The following SPC25 variants were observed in gnomAD, a reference collection of about 807,000 sequenced individuals.
SPC25 encodes SPC25 component of NDC80 kinetochore complex.
SPC25 carries 22 observed loss-of-function variants against 29.6 expected under a neutral mutation model. That is an observed-to-expected ratio of 0.74 (90% CI 0.53 to 1.06). The LOEUF (loss-of-function observed/expected upper bound fraction) is 1.06. Among genes scored for constraint, SPC25 ranks in the 50% least tolerant of loss-of-function variants. The pLI is 0.00. For missense variants in SPC25, 230 were observed against 255.8 expected, an observed-to-expected ratio of 0.90 and a Z score of 0.69; for synonymous variants, 91 against 90.4, an observed-to-expected ratio of 1.01 and a Z score of -0.04.
downstream of SPC25, among the ~76,000 whole-genome samples, chr2:168,869,843 T>G (rs935003558): frequency 1.3e-5 from 2 of 151,976 alleles, no homozygotes; most frequent in Non-Finnish European, 2.9e-5. Context: ...CTTCACAGAA[T>G]TGGAAAAAAC....
chr2:168,866,692 C>A (rs1380444422), downstream of SPC25, among the ~76,000 whole-genome samples: 1 of 152,186 alleles, frequency 6.6e-6, no homozygotes, highest in African/African-American at 2.4e-5. Flanking sequence ...GAACAGGCAA[C>A]CTACAGAATG....
downstream of SPC25, among the ~76,000 whole-genome samples, chr2:168,866,665 G>T (rs1404608688): frequency 6.6e-6 from 1 of 152,130 alleles, no homozygotes; most frequent in Non-Finnish European, 1.5e-5. Flanking sequence ...CACAGCAAAA[G>T]AAACCACCAT....
downstream of SPC25, among the ~76,000 whole-genome samples, chr2:168,870,084 C>A (rs925204770): frequency 6.6e-6 from 1 of 152,062 alleles, no homozygotes; most frequent in African/African-American, 2.4e-5. Context: ...TTTGACAAAC[C>A]TGACAAAAAC....
downstream of SPC25, among the ~76,000 whole-genome samples, chr2:168,867,731 T>C (rs1689893476): frequency 6.6e-6 from 1 of 152,114 alleles, no homozygotes; most frequent in South Asian, 2.1e-4. Flanking sequence ...CCCAGATTCA[T>C]AAAGCAAGTC....
chr2:168,864,869 G>T (rs1689760003), intron 4 of SPC25: 2 of 1,613,810 alleles, frequency 1.2e-6, no homozygotes, highest in African/African-American at 1.3e-5. Context: ...AAAAGAAGGA[G>T]GATGGTGGTT....
At chr2:168,885,763 G>A (rs1302329621) in intron 3 of SPC25, among the ~76,000 whole-genome samples, 2 of 152,134 alleles carry the variant, frequency 1.3e-5, no homozygotes, top group African/African-American at 2.4e-5. Flanking sequence ...TAATCAGACC[G>A]CAGGTTCAAA....
chr2:168,871,556 C>T lies in SPC25; in HGVS notation c.551-1G>A. On this transcript the variant is annotated splice_acceptor_variant, in intron 6 of 6. Coordinates refer to ENST00000282074, the MANE Select transcript of SPC25 (RefSeq NM_020675.4). LOFTEE classifies it high-confidence loss of function. ...TCAAGATGAGGGGCACTATCTGACA[C>T]TAGAAAAAAAAAAAAAAGAAATCAA... The T allele has an allele frequency of 6.9e-7, 1 of 1,447,844 alleles. No homozygotes were observed. Among genetic ancestry groups the T allele is most frequent in the Non-Finnish European group, 9.0e-7 (1 of 1,109,096 alleles). 89.7% of individuals were successfully genotyped at this position (1,447,844 alleles called of 1,614,324 possible).
downstream of SPC25, among the ~76,000 whole-genome samples, chr2:168,867,108 A>T (rs532564222): frequency 6.0e-4 from 91 of 152,316 alleles, no homozygotes; most frequent in African/African-American, 2.2e-3. Flanking sequence ...CATTTGACCC[A>T]GCCATCCCAT....
chr2:168,880,918 G>A (rs1690168219), intron 3 of SPC25, among the ~76,000 whole-genome samples: 1 of 152,126 alleles, frequency 6.6e-6, no homozygotes, highest in Admixed American at 6.5e-5. Context: ...TAACGTCAAA[G>A]ATCACTGATC....
In SPC25 at chr2:168,871,407, G is replaced by GT. The variant is rs747154977; in HGVS notation, c.*23dup. The GT allele has an allele frequency of 4.5e-6, 7 of 1,566,580 alleles. No individual in the cohort carries two copies. The highest frequency in any genetic ancestry group is 6.0e-6 in the Non-Finnish European group (7 of 1,164,034). On this transcript the variant is annotated 3_prime_UTR_variant, in exon 7 of 7. Coordinates refer to ENST00000282074, the MANE Select transcript of SPC25 (RefSeq NM_020675.4). ...ATGTAATAGAGAAGAAAAATAAACC[G>GT]TTTTTATATACACTATTTGTATGTT...
At chr2:168,867,022 T>C (rs1310867891), downstream of SPC25, among the ~76,000 whole-genome samples, 1 of 150,334 alleles carries the variant, frequency 6.7e-6, no homozygotes, top group Admixed American at 6.6e-5. Flanking sequence ...TTTACACTGT[T>C]GGTGGGACTG....
downstream of SPC25, among the ~76,000 whole-genome samples, chr2:168,869,916 A>G (rs2105819388): frequency 6.6e-6 from 1 of 152,278 alleles, no homozygotes; most frequent in South Asian, 2.1e-4. Context: ...CTAAGCCAAA[A>G]GAACAAAGCC....
downstream of SPC25, among the ~76,000 whole-genome samples, chr2:168,865,906 A>AACTT (rs1689835598): frequency 6.6e-6 from 1 of 152,284 alleles, no homozygotes; most frequent in African/African-American, 2.4e-5. Flanking sequence ...CTAGGAATCC[A>AACTT]ACTTACAAGG....
chr2:168,886,668 G>C (rs905256118), intron 3 of SPC25, among the ~76,000 whole-genome samples: 5 of 151,760 alleles, frequency 3.3e-5, no homozygotes, highest in East Asian at 3.9e-4. Flanking sequence ...CATAGGCGCC[G>C]GCCACCAGGC....
chr2:168,882,904 A>G (rs1690200664), intron 3 of SPC25, among the ~76,000 whole-genome samples: 1 of 152,322 alleles, frequency 6.6e-6, no homozygotes, highest in African/African-American at 2.4e-5. Context: ...GTTTACAGAA[A>G]TAATTACTAA....
chr2:168,864,900 A>C, intron 4 of SPC25: 5 of 1,614,056 alleles, frequency 3.1e-6, no homozygotes, highest in Non-Finnish European at 3.4e-6. Context: ...AATGGGAAAA[A>C]AGGCCATTTT....
At chr2:168,884,426 C>G (rs1226077773) in intron 3 of SPC25, among the ~76,000 whole-genome samples, 3 of 152,146 alleles carry the variant, frequency 2.0e-5, no homozygotes, top group Non-Finnish European at 2.9e-5. Flanking sequence ...ATTTATGGCT[C>G]CAGAACTTTA....
At chr2:168,863,705 G>T (rs534771) in intron 4 of SPC25, 793,072 of 955,926 alleles carry the variant, frequency 0.83, 329,413 homozygotes, top group South Asian at 0.9. Context: ...TGAAATCAGG[G>T]ATAATGCAGA....
chr2:168,887,953 C>A (rs574842482), intron 3 of SPC25, among the ~76,000 whole-genome samples: 1 of 152,270 alleles, frequency 6.6e-6, no homozygotes, highest in African/African-American at 2.4e-5. Context: ...AGAAGACATA[C>A]AAGAGAATGC....
Sources: allele counts gnomAD v4.1 joint callset (sites outside exome capture counted in the v4.1 genomes callset), GRCh38; gene constraint gnomAD v4.1.1; transcripts MANE v1.5; gene names NCBI Gene and HGNC (gene_info 2026-07-23, HGNC 2026-07-21).